Variants in NOS1AP observed in about 807,000 individuals in gnomAD.
The protein encoded by NOS1AP is carboxyl-terminal PDZ ligand of neuronal nitric oxide synthase protein.
NOS1AP carries 21 observed loss-of-function variants against 56.2 expected under a neutral mutation model. The ratio of observed to expected loss-of-function variants is 0.37; its 90% confidence interval spans 0.26 to 0.54. NOS1AP has a LOEUF of 0.54. Ranked by LOEUF, NOS1AP falls within the 20% of genes least tolerant of loss-of-function variation. The probability of loss-of-function intolerance (pLI) is 0.84; values close to 1 mark genes in which losing one functional copy is unlikely to be tolerated. For synonymous variants in NOS1AP, 270 were observed against 274.6 expected, an observed-to-expected ratio of 0.98 and a Z score of 0.17; for missense variants, 522 against 657.8, an observed-to-expected ratio of 0.79 and a Z score of 2.26.
intron 6 of NOS1AP, among the ~76,000 whole-genome samples, chr1:162,351,210 A>C (rs149163861): frequency 1.0e-3 from 154 of 152,346 alleles, no homozygotes; most frequent in African/African-American, 3.5e-3. Flanking sequence ...AAACTAGTGC[A>C]GTGCCTGAAG....
chr1:162,325,850 C>T (rs547267645), intron 4 of NOS1AP, among the ~76,000 whole-genome samples: 4 of 151,906 alleles, frequency 2.6e-5, no homozygotes, highest in East Asian at 1.9e-4. Flanking sequence ...AATGCCCATG[C>T]GTTCCAGGAC....
intron 4 of NOS1AP, among the ~76,000 whole-genome samples, chr1:162,305,781 A>G (rs1655805471): frequency 6.6e-6 from 1 of 152,232 alleles, no homozygotes; most frequent in African/African-American, 2.4e-5. Flanking sequence ...TTTGCTTAGC[A>G]AACTGTGATT....
chr1:162,070,547 A>G (rs1342999477), intron 1 of NOS1AP, among the ~76,000 whole-genome samples: 1 of 152,182 alleles, frequency 6.6e-6, no homozygotes, highest in Non-Finnish European at 1.5e-5. Flanking sequence ...TTACCCGCCT[A>G]GGACTGGATT....
intron 5 of NOS1AP, among the ~76,000 whole-genome samples, chr1:162,333,671 T>TCTAG (rs1419000606): frequency 1.3e-5 from 2 of 152,158 alleles, no homozygotes; most frequent in Non-Finnish European, 2.9e-5. Flanking sequence ...AAGCCTAGGA[T>TCTAG]CTAGCCCTGC....
intron 1 of NOS1AP, among the ~76,000 whole-genome samples, chr1:162,145,866 C>A: frequency 6.6e-6 from 1 of 152,136 alleles, no homozygotes; most frequent in East Asian, 1.9e-4. Flanking sequence ...ACAGGGAGAC[C>A]AGACTGCATT....
chr1:162,206,810 G>A (rs1490023948), intron 2 of NOS1AP, among the ~76,000 whole-genome samples: 1 of 152,168 alleles, frequency 6.6e-6, no homozygotes, highest in Non-Finnish European at 1.5e-5. Context: ...ACCTCATTGA[G>A]CCTCGATCTC....
intron 2 of NOS1AP, among the ~76,000 whole-genome samples, chr1:162,235,790 G>A (rs192789415): frequency 6.6e-6 from 1 of 152,352 alleles, no homozygotes; most frequent in East Asian, 1.9e-4. Flanking sequence ...AGGAGCACTT[G>A]CCTGACTCAC....
intron 4 of NOS1AP, among the ~76,000 whole-genome samples, chr1:162,313,925 G>C (rs1571211888): frequency 6.6e-6 from 1 of 152,250 alleles, no homozygotes; most frequent in Admixed American, 6.5e-5. Flanking sequence ...TTGTGTCATG[G>C]TAACTCTTAG....
intron 4 of NOS1AP, 70 bp from the exon 5 acceptor site, chr1:162,332,946 CA>C: frequency 9.3e-7 from 1 of 1,080,262 alleles, no homozygotes; most frequent in Non-Finnish European, 1.4e-6. Context: ...TGTCCTTAAA[CA>C]GAGCTTTCCT....
chr1:162,205,729 G>C (rs947535618), intron 2 of NOS1AP, among the ~76,000 whole-genome samples: 3 of 152,190 alleles, frequency 2.0e-5, no homozygotes, highest in African/African-American at 4.8e-5. Context: ...TCTTGCTGTA[G>C]ATCAGGCCTG....
At chr1:162,320,021 G>A (rs548570893) in intron 4 of NOS1AP, among the ~76,000 whole-genome samples, 5 of 152,190 alleles carry the variant, frequency 3.3e-5, no homozygotes, top group East Asian at 1.9e-4. Flanking sequence ...ATCCTCCTCC[G>A]CGTTTCACTG....
chr1:162,104,415 C>A lies in NOS1AP; in HGVS notation c.105+34133C>A, dbSNP rs568767760. Among the ~76,000 whole-genome samples the A allele has an allele frequency of 2.0e-5, 3 of 152,162 alleles. No individual in the cohort carries two copies. The East Asian group carries it at 5.8e-4, about 29-fold the overall frequency. ...GTTGATCTTCTCATGGAGTATCTTACTAAGGTTCTCTGCATTTTCTGAATT... is the reference window on the plus strand; with the variant it reads ...GTTGATCTTCTCATGGAGTATCTTAATAAGGTTCTCTGCATTTTCTGAATT... On this transcript the variant is annotated intron_variant, in intron 1 of 9. Transcript: ENST00000361897.
chr1:162,132,468 G>A (rs893568736), intron 1 of NOS1AP, among the ~76,000 whole-genome samples: 3 of 152,120 alleles, frequency 2.0e-5, no homozygotes, highest in African/African-American at 7.2e-5. Flanking sequence ...GAAAGATAAA[G>A]TCAAGAAAAA....
chr1:162,203,300 G>A (rs1191538825), intron 2 of NOS1AP, among the ~76,000 whole-genome samples: 2 of 152,150 alleles, frequency 1.3e-5, no homozygotes, highest in African/African-American at 2.4e-5. Context: ...AGGTGATGTA[G>A]TGCAGTGAGC....
At chr1:162,365,906 C>CTCTGAG in intron 9 of NOS1AP, among the ~76,000 whole-genome samples, 1 of 152,168 alleles carries the variant, frequency 6.6e-6, no homozygotes, top group South Asian at 2.1e-4. Flanking sequence ...CTTTTGCAAT[C>CTCTGAG]AACAAACAGT....
intron 7 of NOS1AP, among the ~76,000 whole-genome samples, chr1:162,356,043 C>G (rs1657695338): frequency 6.6e-6 from 1 of 152,218 alleles, no homozygotes; most frequent in African/African-American, 2.4e-5. Context: ...CGGTTTATAT[C>G]AGGGCACCTC....
chr1:162,261,803 T>C (rs1282228158), intron 2 of NOS1AP, among the ~76,000 whole-genome samples: 1 of 152,184 alleles, frequency 6.6e-6, no homozygotes, highest in Non-Finnish European at 1.5e-5. Context: ...ATCTCAGCTT[T>C]GCGATGGACA....
In NOS1AP at chr1:162,192,892, A is replaced by G. The variant is rs76565070; in HGVS notation, c.177+38416A>G. On this transcript the variant is annotated intron_variant, in intron 2 of 9. Coordinates refer to ENST00000361897, the MANE Select transcript of NOS1AP (RefSeq NM_014697.3). ...CATCCTCCCTTCCTTTATAGAGACTATGGGGGAGACTTAGCAAGGGATCTA... is the reference window on the plus strand; with the variant it reads ...CATCCTCCCTTCCTTTATAGAGACTGTGGGGGAGACTTAGCAAGGGATCTA... Among the ~76,000 whole-genome samples the G allele has an allele frequency of 8.8e-3, 1,343 of 152,042 alleles. 13 individuals carry two copies. Among genetic ancestry groups the G allele is most frequent in the Non-Finnish European group, 0.014 (968 of 67,978 alleles).
At chr1:162,345,540 T>A (rs1557886722) in intron 6 of NOS1AP, among the ~76,000 whole-genome samples, 1 of 152,270 alleles carries the variant, frequency 6.6e-6, no homozygotes, top group East Asian at 1.9e-4. Flanking sequence ...ATTCAAAGGT[T>A]TAGTTATTTA....
Sources: allele counts gnomAD v4.1 joint callset (sites outside exome capture counted in the v4.1 genomes callset), GRCh38; gene constraint gnomAD v4.1.1; transcripts MANE v1.5; gene names NCBI Gene and HGNC (gene_info 2026-07-23, HGNC 2026-07-21).